NDST3: variants seen among roughly 807,000 people sequenced by gnomAD.
The protein encoded by NDST3 is bifunctional heparan sulfate N-deacetylase/N-sulfotransferase 3.
A neutral mutation model predicts 96.1 loss-of-function variants in NDST3; 58 were observed. That is an observed-to-expected ratio of 0.60 (90% CI 0.49 to 0.75). The LOEUF (loss-of-function observed/expected upper bound fraction) is 0.75. NDST3 is among the 30% of genes least tolerant of loss of function. The pLI is 0.00. For missense variants in NDST3, 788 were observed against 1,034.2 expected (o/e 0.76, Z 3.27); for synonymous variants, 333 against 359.7 (o/e 0.93, Z 0.84).
In NDST3 at chr4:118,246,065, A is replaced by G. The variant is rs578041156; in HGVS notation, c.2399+3916A>G. The stretch of plus-strand genomic sequence containing the variant: ...AGGAAGTGCTTCCTTAAAAAGAACT[A>G]GAGCCTTAAAATGAGCTATGGAAGT... On this transcript the variant is annotated intron_variant, in intron 12 of 13. Coordinates refer to ENST00000296499, the MANE Select transcript of NDST3 (RefSeq NM_004784.3). Among the ~76,000 whole-genome samples the G allele has an allele frequency of 5.3e-5, 8 of 152,342 alleles. No individual in the cohort carries two copies. The East Asian group carries it at 1.5e-3, about 29-fold the overall frequency.
intron 6 of NDST3, among the ~76,000 whole-genome samples, chr4:118,223,054 A>C (rs1024643638): frequency 2.0e-5 from 3 of 151,980 alleles, no homozygotes; most frequent in African/African-American, 7.2e-5. Flanking sequence ...AAAAATACAC[A>C]TTTTTAAAAT....
chr4:118,056,244 T>C (rs1725421872), intron 2 of NDST3, among the ~76,000 whole-genome samples: 1 of 151,910 alleles, frequency 6.6e-6, no homozygotes, highest in African/African-American at 2.4e-5. Context: ...TATATATTGT[T>C]ATAGAATTTT....
intron 2 of NDST3, among the ~76,000 whole-genome samples, chr4:118,066,030 A>G (rs1245667167): frequency 1.5e-5 from 2 of 133,326 alleles, no homozygotes; most frequent in East Asian, 2.0e-4. Context: ...AATAATAATA[A>G]TAAGTTCTTC....
chr4:118,203,275 T>C (rs571829417), intron 6 of NDST3, among the ~76,000 whole-genome samples: 1 of 152,286 alleles, frequency 6.6e-6, no homozygotes, highest in Non-Finnish European at 1.5e-5. Context: ...TAAAGTTTCC[T>C]TTATTAATTG....
intron 6 of NDST3, among the ~76,000 whole-genome samples, chr4:118,144,250 G>A (rs551346141): frequency 1.3e-5 from 2 of 151,560 alleles, no homozygotes; most frequent in East Asian, 3.9e-4. Context: ...GCGCCATCTC[G>A]GCTCACTGCA....
chr4:118,146,270 AC>A (rs1294262004), intron 6 of NDST3, among the ~76,000 whole-genome samples: 1 of 152,214 alleles, frequency 6.6e-6, no homozygotes, highest in East Asian at 1.9e-4. Flanking sequence ...TTTAAGTAAT[AC>A]CCCAGGCCTC....
At chr4:118,179,750 C>T (rs543417314) in intron 6 of NDST3, among the ~76,000 whole-genome samples, 1 of 152,100 alleles carries the variant, frequency 6.6e-6, no homozygotes, top group Non-Finnish European at 1.5e-5. Context: ...AGAAAAAAAA[C>T]TCAAGTAAGC....
chr4:118,211,865 G>A (rs1445198017), intron 6 of NDST3, among the ~76,000 whole-genome samples: 1 of 152,188 alleles, frequency 6.6e-6, no homozygotes, highest in African/African-American at 2.4e-5. Flanking sequence ...CGATGTGCCT[G>A]TGTCAAGGAG....
chr4:118,237,836 T>C (rs1217194053), intron 10 of NDST3, among the ~76,000 whole-genome samples: 1 of 152,056 alleles, frequency 6.6e-6, no homozygotes, highest in Non-Finnish European at 1.5e-5. Context: ...AGGCTGGGCG[T>C]GGTGGCTCAT....
chr4:118,230,491 C>A (rs940869061), intron 8 of NDST3, among the ~76,000 whole-genome samples: 4 of 151,748 alleles, frequency 2.6e-5, no homozygotes, highest in Admixed American at 2.0e-4. Flanking sequence ...AGGAGAATGG[C>A]GTGAACCCGG....
In NDST3 at chr4:118,184,604, C is replaced by CTCT. The variant is rs1560703488; in HGVS notation, c.1540-39887_1540-39886insTCT. 4.0e-4 allele frequency among the ~76,000 whole-genome samples: 47 copies of CTCT among 116,300 alleles called. 1 individual carries two copies. Among genetic ancestry groups the CTCT allele is most frequent in the African/African-American group, 2.2e-3 (47 of 20,904 alleles). The allele number at this position is 116,300 out of a possible 152,430, so 76.3% of individuals were successfully genotyped here. On this transcript the variant is annotated intron_variant, in intron 6 of 13. Coordinates refer to ENST00000296499, the MANE Select transcript of NDST3 (RefSeq NM_004784.3). ...CCCTTTGTCTCTCTCTCTCTCTCTA[C>CTCT]ACACACACACACACACACACACACA...
intron 5 of NDST3, 127 bp downstream of exon 5, chr4:118,138,366 T>G: frequency 1.4e-6 from 1 of 731,320 alleles, no homozygotes; most frequent in East Asian, 2.9e-5. Flanking sequence ...AGGAAGCATA[T>G]TTGTCATATC....
intron 6 of NDST3, among the ~76,000 whole-genome samples, chr4:118,150,918 C>A (rs1224118056): frequency 6.6e-6 from 1 of 151,794 alleles, no homozygotes; most frequent in Non-Finnish European, 1.5e-5. Context: ...AATCATACTG[C>A]TATAAAGACA....
intron 2 of NDST3, among the ~76,000 whole-genome samples, chr4:118,097,595 TTTG>T (rs1259097216): frequency 7.9e-5 from 12 of 151,928 alleles, no homozygotes; most frequent in Non-Finnish European, 1.6e-4. Flanking sequence ...AAGTCTACAT[TTTG>T]TTAAGTTTCC....
chr4:118,134,588 G>T (rs1234568589), intron 4 of NDST3, among the ~76,000 whole-genome samples: 2 of 152,168 alleles, frequency 1.3e-5, no homozygotes, highest in Non-Finnish European at 2.9e-5. Flanking sequence ...ATTTAGAAAA[G>T]AGGAAAGAGG....
At chr4:118,036,313 T>A (rs112774760) in intron 1 of NDST3, among the ~76,000 whole-genome samples, 448 of 152,292 alleles carry the variant, frequency 2.9e-3, no homozygotes, top group African/African-American at 4.2e-3. Flanking sequence ...CAAAATATAT[T>A]TTTTTAAACT....
chr4:118,109,173 C>T (rs568152749), intron 3 of NDST3, among the ~76,000 whole-genome samples: 1 of 152,140 alleles, frequency 6.6e-6, no homozygotes, highest in Non-Finnish European at 1.5e-5. Flanking sequence ...CAACCTCTTC[C>T]TAAACTTCTG....
intron 2 of NDST3, among the ~76,000 whole-genome samples, chr4:118,090,311 T>C (rs1728761447): frequency 1.3e-5 from 2 of 151,970 alleles, no homozygotes; most frequent in African/African-American, 4.8e-5. Context: ...GCAAATATAA[T>C]TTAAAATTTG....
chr4:118,172,474 A>C (rs1236720825), intron 6 of NDST3, among the ~76,000 whole-genome samples: 1 of 152,222 alleles, frequency 6.6e-6, no homozygotes. Flanking sequence ...TACAGACTTA[A>C]AAATTTATGC....
Sources: allele counts gnomAD v4.1 joint callset (sites outside exome capture counted in the v4.1 genomes callset), GRCh38; gene constraint gnomAD v4.1.1; transcripts MANE v1.5; gene names NCBI Gene and HGNC (gene_info 2026-07-23, HGNC 2026-07-21).